Variants in RCBTB1 observed in about 807,000 individuals in gnomAD.
RCBTB1 encodes the protein RCC1 and BTB domain-containing protein 1.
In RCBTB1, 46 loss-of-function variants were observed where a neutral mutation model predicts 62.4. That is an observed-to-expected ratio of 0.74 (90% CI 0.58 to 0.94). The LOEUF (loss-of-function observed/expected upper bound fraction) is 0.94, where lower values mean the gene tolerates loss of function less well. Among genes scored for constraint, RCBTB1 ranks in the 40% least tolerant of loss-of-function variants. RCBTB1 has a pLI of 0.00. For synonymous variants in RCBTB1, 222 were observed against 245.8 expected (o/e 0.90, Z 0.91); for missense variants, 565 against 654.9 (o/e 0.86, Z 1.50).
chr13:49,585,190 C>T (rs1411181204), intron 1 of RCBTB1, among the ~76,000 whole-genome samples: 2 of 152,210 alleles, frequency 1.3e-5, no homozygotes, highest in African/African-American at 4.8e-5. Flanking sequence ...GGAAAACTTT[C>T]CCTCGCCTCT....
At chr13:49,558,680 G>C (rs935154460) in intron 5 of RCBTB1, among the ~76,000 whole-genome samples, 5 of 124,238 alleles carry the variant, frequency 4.0e-5, no homozygotes, top group African/African-American at 1.8e-4. Context: ...GGCAAGAAGG[G>C]TGAAACTCTG....
chr13:49,576,621 G>A (rs544235658), intron 2 of RCBTB1, among the ~76,000 whole-genome samples: 44 of 152,264 alleles, frequency 2.9e-4, no homozygotes, highest in African/African-American at 1.0e-3. Context: ...TAAGATGACA[G>A]GTCCTTCCAG....
chr13:49,585,094 C>T (rs564573909), intron 1 of RCBTB1, among the ~76,000 whole-genome samples: 2 of 152,268 alleles, frequency 1.3e-5, no homozygotes, highest in Admixed American at 6.5e-5. Flanking sequence ...GGGAGATCTC[C>T]TCTCAGTAAA....
chr13:49,559,011 T>C (rs1962192172), intron 5 of RCBTB1, among the ~76,000 whole-genome samples: 1 of 152,246 alleles, frequency 6.6e-6, no homozygotes, highest in Admixed American at 6.5e-5. Context: ...AAGAAGTGGT[T>C]TGGGTCTTCA....
chr13:49,552,040 TATA>T (rs1961406599), intron 7 of RCBTB1, 135 bp downstream of exon 7: 1 of 679,286 alleles, frequency 1.5e-6, no homozygotes, highest in East Asian at 2.8e-5. Context: ...TTAGGGAAGA[TATA>T]ATATTAAATA....
At chr13:49,550,767 T>C (rs997015396) in intron 8 of RCBTB1, among the ~76,000 whole-genome samples, 4 of 152,120 alleles carry the variant, frequency 2.6e-5, no homozygotes, top group Admixed American at 6.5e-5. Context: ...TACATAAGAA[T>C]CATATCAACC....
At chr13:49,573,332 C>A (rs1197155735) in intron 2 of RCBTB1, among the ~76,000 whole-genome samples, 1 of 152,056 alleles carries the variant, frequency 6.6e-6, no homozygotes. Flanking sequence ...GCCTGCCATC[C>A]CCACTTCTTT....
chr13:49,583,553 CTT>C (rs1020918835), intron 1 of RCBTB1, among the ~76,000 whole-genome samples: 1 of 147,480 alleles, frequency 6.8e-6, no homozygotes, highest in African/African-American at 2.5e-5. Flanking sequence ...ACAACATGTA[CTT>C]TTTTTTTTTG....
intron 11 of RCBTB1, among the ~76,000 whole-genome samples, chr13:49,541,429 A>G (rs1960353517): frequency 6.7e-6 from 1 of 150,298 alleles, no homozygotes; most frequent in African/African-American, 2.4e-5. Flanking sequence ...CAGAACTTAA[A>G]AATAAATTAA....
Position 49,541,806 on chromosome 13 carries a change from C to T in RCBTB1, c.1194G>A (p.Met398Ile). Residue 398 changes from methionine to isoleucine, a missense_variant, in exon 11 of 13, where the codon ATG becomes ATA. Transcript: ENST00000378302. ...TGTCTTCATTCCAATACGACTGGAA[C>T]ATGGATCGAAAATGCTCACACCTAA... is the stretch of plus-strand genomic sequence containing the variant. ...LKIRCEHFRS[M>I]FQSYWNEDMK... 6.2e-7 allele frequency: 1 copy of T among 1,612,726 alleles called. No individual in the cohort carries two copies. The highest frequency in any genetic ancestry group is 8.5e-7 in the Non-Finnish European group (1 of 1,179,654).
intron 10 of RCBTB1, among the ~76,000 whole-genome samples, chr13:49,542,485 A>G (rs1193066484): frequency 6.6e-6 from 1 of 152,188 alleles, no homozygotes; most frequent in Non-Finnish European, 1.5e-5. Context: ...GATGTACAGA[A>G]ATGCATTTTA....
At chr13:49,568,057 C>A (rs561733375) in intron 2 of RCBTB1, among the ~76,000 whole-genome samples, 44 of 152,308 alleles carry the variant, frequency 2.9e-4, no homozygotes, top group African/African-American at 1.0e-3. Flanking sequence ...TCAAAGGCCA[C>A]CACTGTTCCC....
chr13:49,536,186 C>T (rs751967948), intron 12 of RCBTB1, among the ~76,000 whole-genome samples: 1 of 152,076 alleles, frequency 6.6e-6, no homozygotes, highest in Non-Finnish European at 1.5e-5. Context: ...AATAAATATT[C>T]AAAAGTTCCA....
chr13:49,558,692 C>T (rs1285763674), intron 5 of RCBTB1, among the ~76,000 whole-genome samples: 2 of 82,146 alleles, frequency 2.4e-5, no homozygotes, highest in Admixed American at 1.1e-4. Flanking sequence ...GAAACTCTGT[C>T]TCCAAAAAAA....
Position 49,567,158 on chromosome 13 carries a change from T to A in RCBTB1, c.122A>T (p.Asp41Val). 6.2e-7 allele frequency: 1 copy of A among 1,613,914 alleles called. No homozygotes were observed. The highest frequency in any genetic ancestry group is 2.2e-5 in the East Asian group (1 of 44,898). Residue 41 changes from aspartate (D) to valine (V), a missense_variant, in exon 3 of 13, where the codon GAT (aspartate) becomes GTT (valine). Asp to Val is a radical substitution (Grantham distance 152). Transcript: ENST00000378302. ...TAGGTTTCAAGAGACTCTTACCTCA[T>A]CATTGTCAGTAACGTACAGTGCTTC... is the stretch of plus-strand genomic sequence containing the variant. ...ASEALYVTDNDEVFVFGLNYS... is the reference protein window; with the variant it reads ...ASEALYVTDNVEVFVFGLNYS...
chr13:49,574,206 C>T (rs142548832), intron 2 of RCBTB1, among the ~76,000 whole-genome samples: 2,368 of 152,088 alleles, frequency 0.016, 29 homozygotes, highest in Non-Finnish European at 0.02. Flanking sequence ...GCAACCTCCA[C>T]CTCCCCAGTT....
intron 9 of RCBTB1, among the ~76,000 whole-genome samples, chr13:49,548,727 T>G (rs945738566): frequency 6.6e-6 from 1 of 151,856 alleles, no homozygotes; most frequent in Non-Finnish European, 1.5e-5. Flanking sequence ...CTTCCGCTTA[T>G]ATGAACTCTC....
intron 2 of RCBTB1, among the ~76,000 whole-genome samples, chr13:49,577,861 AT>A (rs1345996478): frequency 3.3e-5 from 5 of 152,230 alleles, no homozygotes; most frequent in African/African-American, 1.2e-4. Flanking sequence ...GCAAAATGAT[AT>A]TTTTAATTGC....
At chr13:49,574,124 TG>T (rs969694166) in intron 2 of RCBTB1, among the ~76,000 whole-genome samples, 2 of 149,076 alleles carry the variant, frequency 1.3e-5, no homozygotes, top group African/African-American at 5.0e-5. Context: ...TTTCTTTTTT[TG>T]GGGGTGGGGG....
Sources: allele counts gnomAD v4.1 joint callset (sites outside exome capture counted in the v4.1 genomes callset), GRCh38; gene constraint gnomAD v4.1.1; transcripts MANE v1.5; gene names NCBI Gene and HGNC (gene_info 2026-07-23, HGNC 2026-07-21).